Variants in C1orf87 observed in about 807,000 individuals in gnomAD.
C1orf87 encodes the protein uncharacterized protein C1orf87.
C1orf87 carries 58 observed loss-of-function variants against 60.5 expected under a neutral mutation model. The observed-to-expected ratio is 0.96, with a 90% CI of 0.78 to 1.19. The LOEUF (loss-of-function observed/expected upper bound fraction) is 1.19. Ranked by LOEUF, C1orf87 falls within the 50% of genes most tolerant of loss-of-function variation. The probability of loss-of-function intolerance (pLI) is 0.00; values close to 1 mark genes in which losing one functional copy is unlikely to be tolerated. For synonymous variants in C1orf87, 236 were observed against 227.4 expected (o/e 1.04, Z -0.34); for missense variants, 673 against 638.6 (o/e 1.05, Z -0.58).
intron 7 of C1orf87, among the ~76,000 whole-genome samples, chr1:60,032,589 C>A (rs1645246985): frequency 6.6e-6 from 1 of 151,952 alleles, no homozygotes; most frequent in South Asian, 2.1e-4. Flanking sequence ...AGGCATGCAC[C>A]ACCATACCTG....
At chr1:60,001,558 G>A (rs1645004893) in intron 9 of C1orf87, among the ~76,000 whole-genome samples, 1 of 152,070 alleles carries the variant, frequency 6.6e-6, no homozygotes, top group African/African-American at 2.4e-5. Context: ...TATCACTACT[G>A]AAGAGGAGTT....
At chr1:60,041,453 A>G (rs78047539) in intron 3 of C1orf87, among the ~76,000 whole-genome samples, 12,647 of 152,236 alleles carry the variant, frequency 0.083, 699 homozygotes, top group Middle Eastern at 0.19. Context: ...TGGGGTTCTT[A>G]TTAGAGATAA....
intron 9 of C1orf87, 78 bp from the exon 10 acceptor site, chr1:60,001,234 C>A: frequency 1.0e-6 from 1 of 957,290 alleles, no homozygotes. Flanking sequence ...CACAAGGCAA[C>A]AACAACAGCA....
At chr1:60,067,396 A>C (rs1223828044) in intron 2 of C1orf87, among the ~76,000 whole-genome samples, 1 of 151,970 alleles carries the variant, frequency 6.6e-6, no homozygotes, top group East Asian at 1.9e-4. Context: ...TGACATTTCA[A>C]TGATTGCCAT....
intron 3 of C1orf87, 85 bp from the exon 4 acceptor site, chr1:60,041,216 A>G: frequency 8.3e-7 from 1 of 1,211,148 alleles, no homozygotes; most frequent in Non-Finnish European, 1.1e-6. Flanking sequence ...AAATGAGTAA[A>G]CCAACCAATT....
chr1:60,070,226 C>A (rs186839077), intron 2 of C1orf87, among the ~76,000 whole-genome samples: 1 of 152,166 alleles, frequency 6.6e-6, no homozygotes, highest in Non-Finnish European at 1.5e-5. Flanking sequence ...GTCTGTCATA[C>A]CATCCCATCA....
At chr1:60,054,796 T>C (rs759069019) in intron 3 of C1orf87, among the ~76,000 whole-genome samples, 3 of 152,230 alleles carry the variant, frequency 2.0e-5, no homozygotes, top group Non-Finnish European at 4.4e-5. Flanking sequence ...ATAATTTTTT[T>C]TTGTAATTAG....
At chr1:60,022,761 G>T (rs1480234805) in intron 8 of C1orf87, among the ~76,000 whole-genome samples, 1 of 151,552 alleles carries the variant, frequency 6.6e-6, no homozygotes, top group Non-Finnish European at 1.5e-5. Context: ...TTTTTGCTTT[G>T]AGGCTATTAA....
chr1:60,008,238 CT>C lies in C1orf87; in HGVS notation c.1192+2153del, dbSNP rs1487666877. Among the ~76,000 whole-genome samples the C allele has an allele frequency of 3.9e-5, 6 of 152,014 alleles. No homozygotes were observed. The East Asian group carries it at 5.8e-4, about 15-fold the overall frequency. Reference sequence around the variant, plus strand: ...TTTGTTTGTCAGACTCACAATCACCCTATAAGATCAATAGGGCAGGTTTGCA... The same window carrying C: ...TTTGTTTGTCAGACTCACAATCACCCATAAGATCAATAGGGCAGGTTTGCA... On this transcript the variant is annotated intron_variant, in intron 9 of 11. Coordinates refer to ENST00000371201, the MANE Select transcript of C1orf87 (RefSeq NM_152377.3).
intron 5 of C1orf87, among the ~76,000 whole-genome samples, chr1:60,038,786 T>A (rs1645297032): frequency 6.6e-6 from 1 of 152,184 alleles, no homozygotes. Flanking sequence ...GAAGACCTTT[T>A]TTCTGCATAG....
intron 3 of C1orf87, among the ~76,000 whole-genome samples, chr1:60,051,747 C>T (rs964920603): frequency 2.0e-5 from 3 of 152,058 alleles, no homozygotes; most frequent in Non-Finnish European, 2.9e-5. Context: ...CCTGGTGAGA[C>T]AAAATGGTGG....
chr1:60,013,893 C>T (rs1645106928), intron 8 of C1orf87, among the ~76,000 whole-genome samples: 1 of 152,008 alleles, frequency 6.6e-6, no homozygotes, highest in South Asian at 2.1e-4. Flanking sequence ...ATTTTCTCAC[C>T]ACATTTGTTG....
At chr1:60,020,317 A>G (rs566049721) in intron 8 of C1orf87, among the ~76,000 whole-genome samples, 1 of 152,198 alleles carries the variant, frequency 6.6e-6, no homozygotes, top group Non-Finnish European at 1.5e-5. Context: ...GTTTGAGAAG[A>G]GGGCTACAGT....
intron 9 of C1orf87, among the ~76,000 whole-genome samples, chr1:60,008,151 C>T (rs982923500): frequency 6.6e-6 from 1 of 151,964 alleles, no homozygotes; most frequent in Non-Finnish European, 1.5e-5. Flanking sequence ...GCAACACTAC[C>T]CCAACTCTGT....
At chr1:60,032,227 T>A (rs189841815) in intron 7 of C1orf87, among the ~76,000 whole-genome samples, 1 of 152,302 alleles carries the variant, frequency 6.6e-6, no homozygotes, top group Admixed American at 6.5e-5. Context: ...AGGGATTTTT[T>A]GGCCTATAAT....
At chr1:60,047,473 C>T (rs990505130) in intron 3 of C1orf87, among the ~76,000 whole-genome samples, 4 of 152,020 alleles carry the variant, frequency 2.6e-5, no homozygotes, top group African/African-American at 9.7e-5. Context: ...TCATTGCTTT[C>T]GTTATAAGTG....
chr1:60,038,402 C>T (rs925221003), intron 5 of C1orf87, among the ~76,000 whole-genome samples: 6 of 152,144 alleles, frequency 3.9e-5, no homozygotes, highest in African/African-American at 1.4e-4. Context: ...ATGAGACCCT[C>T]CAGGACTCTT....
chr1:60,067,548 CT>C (rs1645555537), intron 2 of C1orf87, among the ~76,000 whole-genome samples: 1 of 124,506 alleles, frequency 8.0e-6, no homozygotes, highest in African/African-American at 3.0e-5. Flanking sequence ...CTTTTGCCCA[CT>C]TTTTGATGGG....
intron 9 of C1orf87, among the ~76,000 whole-genome samples, chr1:60,005,804 CTTTTTT>C: frequency 7.6e-6 from 1 of 132,124 alleles, no homozygotes. Context: ...TCTCAGCATT[CTTTTTT>C]TTTTTTTTTT....
Sources: gnomAD v4.1 joint callset for allele counts (sites outside exome capture counted in the v4.1 genomes callset) on GRCh38, gnomAD v4.1.1 for gene constraint, MANE v1.5 for transcripts, NCBI Gene and HGNC (gene_info 2026-07-23, HGNC 2026-07-21) for gene names.